Variants in RAPGEF2 observed in about 807,000 individuals in gnomAD.
RAPGEF2 encodes the protein PDZ domain containing guanine nucleotide exchange factor (GEF) 1.
RAPGEF2 carries 54 observed loss-of-function variants against 186.7 expected under a neutral mutation model. That is an observed-to-expected ratio of 0.29 (90% CI 0.23 to 0.36). The LOEUF (loss-of-function observed/expected upper bound fraction) is 0.36. Ranked by LOEUF, RAPGEF2 falls within the 10% of genes least tolerant of loss-of-function variation. The probability of loss-of-function intolerance (pLI) is 1.00; values close to 1 mark genes in which losing one functional copy is unlikely to be tolerated. For missense variants in RAPGEF2, 1,532 were observed against 2,045.0 expected (o/e 0.75, Z 4.84); for synonymous variants, 712 against 705.9 (o/e 1.01, Z -0.14).
intron 7 of RAPGEF2, among the ~76,000 whole-genome samples, chr4:159,251,817 GT>G (rs1755444550): frequency 1.3e-5 from 2 of 152,030 alleles, no homozygotes; most frequent in African/African-American, 4.8e-5. Flanking sequence ...TGTGGGTGGG[GT>G]CAGATAAGGG....
At chr4:159,289,614 A>G (rs995991921) in intron 7 of RAPGEF2, among the ~76,000 whole-genome samples, 5 of 152,150 alleles carry the variant, frequency 3.3e-5, no homozygotes, top group African/African-American at 9.7e-5. Flanking sequence ...TACTTACTAT[A>G]CCTTAGGTAC....
intron 7 of RAPGEF2, chr4:159,282,512 A>C (rs756662834): frequency 1.8e-4 from 60 of 336,018 alleles, no homozygotes; most frequent in Non-Finnish European, 3.1e-4. Flanking sequence ...CTGAACAGCA[A>C]TCTGACGTCT....
At chr4:159,331,149 T>C (rs77041249) in intron 13 of RAPGEF2, among the ~76,000 whole-genome samples, 3,431 of 152,342 alleles carry the variant, frequency 0.023, 125 homozygotes, top group African/African-American at 0.077. Flanking sequence ...TGCTTTTATT[T>C]TGATCTGTTT....
At chr4:159,267,814 C>G (rs1403188319) in intron 7 of RAPGEF2, 11 of 1,008,982 alleles carry the variant, frequency 1.1e-5, no homozygotes, top group Non-Finnish European at 1.2e-5. Flanking sequence ...TTTTCCTCTC[C>G]TTTTCTTTTG....
chr4:159,297,043 C>T (rs943441309), intron 7 of RAPGEF2, among the ~76,000 whole-genome samples: 2 of 152,154 alleles, frequency 1.3e-5, no homozygotes, highest in Non-Finnish European at 2.9e-5. Flanking sequence ...AGAATTAATT[C>T]CTTTCTGCCT....
chr4:159,245,460 G>T (rs1754520447), intron 7 of RAPGEF2, among the ~76,000 whole-genome samples: 1 of 152,024 alleles, frequency 6.6e-6, no homozygotes, highest in Non-Finnish European at 1.5e-5. Context: ...CCTGGCAGAG[G>T]CTGGAAGATT....
intron 7 of RAPGEF2, among the ~76,000 whole-genome samples, chr4:159,279,589 TG>T (rs1376527264): frequency 6.6e-6 from 1 of 152,264 alleles, no homozygotes; most frequent in Non-Finnish European, 1.5e-5. Flanking sequence ...TATATTTTAT[TG>T]TTCCTCAGTC....
intron 7 of RAPGEF2, among the ~76,000 whole-genome samples, chr4:159,253,543 T>C (rs1755735955): frequency 6.6e-6 from 1 of 152,218 alleles, no homozygotes; most frequent in African/African-American, 2.4e-5. Flanking sequence ...AATTTTATCA[T>C]TAGCAAATTA....
intron 22 of RAPGEF2, 33 bp downstream of exon 22, chr4:159,343,437 A>G (rs771080590): frequency 6.2e-7 from 1 of 1,601,796 alleles, no homozygotes; most frequent in African/African-American, 1.3e-5. Context: ...CACGTGTGAG[A>G]GTAGAGAAGG....
chr4:159,297,412 A>C (rs993523839), intron 7 of RAPGEF2, among the ~76,000 whole-genome samples: 1 of 152,232 alleles, frequency 6.6e-6, no homozygotes, highest in African/African-American at 2.4e-5. Context: ...GTCAAATATA[A>C]TAAGGCAATA....
intron 1 of RAPGEF2, among the ~76,000 whole-genome samples, chr4:159,161,366 T>A (rs765646024): frequency 2.0e-5 from 3 of 152,240 alleles, no homozygotes; most frequent in Non-Finnish European, 2.9e-5. Context: ...AAACAATATG[T>A]AGTTTCCCTG....
At chr4:159,188,177 C>T (rs981207427) in intron 2 of RAPGEF2, among the ~76,000 whole-genome samples, 5 of 152,176 alleles carry the variant, frequency 3.3e-5, no homozygotes, top group Middle Eastern at 3.4e-3. Context: ...TATTTAATTG[C>T]GTGCGGTTAA....
intron 7 of RAPGEF2, among the ~76,000 whole-genome samples, chr4:159,246,108 G>A (rs763343019): frequency 6.6e-6 from 1 of 152,050 alleles, no homozygotes; most frequent in African/African-American, 2.4e-5. Context: ...CTTATTGGTC[G>A]TGTAAAAGGA....
intron 9 of RAPGEF2, among the ~76,000 whole-genome samples, chr4:159,315,081 C>G (rs1178146362): frequency 1.3e-5 from 2 of 151,184 alleles, no homozygotes; most frequent in African/African-American, 4.9e-5. Context: ...AGTATTACTT[C>G]TATTAATTTT....
intron 1 of RAPGEF2, among the ~76,000 whole-genome samples, chr4:159,138,039 T>C (rs1741913043): frequency 6.6e-6 from 1 of 152,238 alleles, no homozygotes; most frequent in Non-Finnish European, 1.5e-5. Flanking sequence ...TCGCACAGAC[T>C]GAATTACTAA....
In RAPGEF2 at chr4:159,343,351, C is replaced by A. The variant is rs188622665; in HGVS notation, c.3201C>A (p.His1067Gln). The part of the protein sequence containing the change: ...KLRMIAKEIR[H>Q]VGRMASVNMD... ...GGATGATTGCAAAAGAAATTCGTCA[C>A]GTTGGCCGAATGGCTTCAGTGAACA... Residue 1067 changes from histidine to glutamine, a missense_variant, in exon 22 of 30, where the codon CAC (histidine) becomes CAA (glutamine). By Grantham distance (24) the His-to-Gln change is conservative. Around this residue, in one of 4 missense-constraint regions of RAPGEF2, gnomAD observed 117 missense variants for 180.8 expected, o/e 0.65. Coordinates refer to ENST00000691494, the MANE Select transcript of RAPGEF2 (RefSeq NM_001394067.2). 2 of 1,614,032 alleles carry A rather than the reference C, an allele frequency of 1.2e-6. No homozygotes were observed. The highest frequency in any genetic ancestry group is 1.7e-6 in the Non-Finnish European group (2 of 1,179,940).
intron 4 of RAPGEF2, among the ~76,000 whole-genome samples, chr4:159,225,466 G>C (rs1331982128): frequency 6.6e-6 from 1 of 152,164 alleles, no homozygotes; most frequent in Non-Finnish European, 1.5e-5. Flanking sequence ...TGTTTGTGTG[G>C]GTGTATGCTT....
At chr4:159,123,260 A>G (rs1312156126) in intron 1 of RAPGEF2, among the ~76,000 whole-genome samples, 1 of 152,206 alleles carries the variant, frequency 6.6e-6, no homozygotes, top group Non-Finnish European at 1.5e-5. Context: ...TACTTCATGG[A>G]TTAAATTTAC....
chr4:159,129,744 T>G (rs1199059725), intron 1 of RAPGEF2, among the ~76,000 whole-genome samples: 8 of 152,208 alleles, frequency 5.3e-5, no homozygotes, highest in Non-Finnish European at 8.8e-5. Context: ...GTTTTTCTCT[T>G]TTTCGAGACA....
Sources: gnomAD v4.1 joint callset for allele counts (sites outside exome capture counted in the v4.1 genomes callset) on GRCh38, gnomAD v4.1.1 for gene constraint, gnomAD v4.1.1 regional missense constraint, MANE v1.5 for transcripts, NCBI Gene and HGNC (gene_info 2026-07-23, HGNC 2026-07-21) for gene names.